The following SPOCK3 variants were observed in gnomAD, a reference collection of about 807,000 sequenced individuals.
SPOCK3 encodes the protein SPARC (osteonectin), cwcv and kazal like domains proteoglycan 3, also known as testican-3.
A neutral mutation model predicts 56.6 loss-of-function variants in SPOCK3; 30 were observed. That is an observed-to-expected ratio of 0.53 (90% confidence interval 0.40 to 0.72). SPOCK3 has a LOEUF of 0.72. Among genes scored for constraint, SPOCK3 ranks in the 30% least tolerant of loss-of-function variants. The probability of loss-of-function intolerance (pLI) is 0.00; values close to 1 mark genes in which losing one functional copy is unlikely to be tolerated. For synonymous variants in SPOCK3, 196 were observed against 183.3 expected, an observed-to-expected ratio of 1.07 and a Z score of -0.56; for missense variants, 527 against 530.0, an observed-to-expected ratio of 0.99 and a Z score of 0.06.
At chr4:166,848,908 TG>T (rs1311723209) in intron 6 of SPOCK3, among the ~76,000 whole-genome samples, 20 of 152,318 alleles carry the variant, frequency 1.3e-4, no homozygotes, top group African/African-American at 3.8e-4. Flanking sequence ...TTCTAACAGG[TG>T]ATGTAAACTA....
intron 7 of SPOCK3, among the ~76,000 whole-genome samples, chr4:166,775,849 G>A (rs2126593170): frequency 6.6e-6 from 1 of 152,170 alleles, no homozygotes; most frequent in East Asian, 1.9e-4. Context: ...GCCAAACACT[G>A]TAAAGAGTGG....
At chr4:166,807,547 CATTATTTTATTCA>C (rs1444982580) in intron 6 of SPOCK3, among the ~76,000 whole-genome samples, 1 of 152,126 alleles carries the variant, frequency 6.6e-6, no homozygotes, top group South Asian at 2.1e-4. Flanking sequence ...TGACCTGTCT[CATTATTTTATTCA>C]ATGATGTGAA....
chr4:167,042,903 C>T (rs1468487513), intron 3 of SPOCK3, among the ~76,000 whole-genome samples: 3 of 152,086 alleles, frequency 2.0e-5, no homozygotes, highest in Admixed American at 6.6e-5. Flanking sequence ...CTGATCATTG[C>T]TATTCACTAA....
At chr4:166,829,804 CAGG>C (rs754286344) in intron 6 of SPOCK3, among the ~76,000 whole-genome samples, 28 of 152,066 alleles carry the variant, frequency 1.8e-4, no homozygotes, top group Non-Finnish European at 3.4e-4. Context: ...TGTTTTACAC[CAGG>C]AGTTGTCTAA....
intron 2 of SPOCK3, among the ~76,000 whole-genome samples, chr4:167,115,549 A>T (rs1761260850): frequency 6.6e-6 from 1 of 152,100 alleles, no homozygotes; most frequent in Non-Finnish European, 1.5e-5. Context: ...TATTTTTAAA[A>T]GTAGTGAAAT....
At chr4:167,093,677 T>C (rs1758905306) in intron 2 of SPOCK3, among the ~76,000 whole-genome samples, 1 of 152,232 alleles carries the variant, frequency 6.6e-6, no homozygotes, top group Admixed American at 6.5e-5. Flanking sequence ...CCACATTTTG[T>C]TTTTCCAGTC....
rs554806211 is a variant in SPOCK3, at chr4:167,151,370, C to T, written c.189+82615G>A. On this transcript the variant is annotated intron_variant, in intron 2 of 10. Coordinates refer to ENST00000357545, the MANE Select transcript of SPOCK3 (RefSeq NM_001040159.2). ...ACTTGGTGCAAGCCTGCCAACAACC[C>T]CAAAGGCTGCTCAGGCTAACTTTTT... Among the ~76,000 whole-genome samples the T allele has an allele frequency of 8.6e-5, 13 of 151,138 alleles. No individual in the cohort carries two copies. The South Asian group carries it at 1.9e-3, about 22-fold the overall frequency.
In SPOCK3 at chr4:166,737,490, C is replaced by G; in HGVS notation, c.1109G>C (p.Arg370Thr). Residue 370 changes from arginine to threonine, a missense_variant, in exon 10 of 11, where the codon AGA (arginine) becomes ACA (threonine). Coordinates refer to ENST00000357545, the MANE Select transcript of SPOCK3 (RefSeq NM_001040159.2). ...DRYGNEVMGS[R>T]INGVADCAID... is the part of the protein sequence containing the mutation. ...ACCACAATCTGCAACACCATTTATT[C>G]TGGATCCCATGACTTCATTTCCATA... The G allele has an allele frequency of 6.2e-7, 1 of 1,613,174 alleles. No individual in the cohort carries two copies. Among genetic ancestry groups the G allele is most frequent in the Non-Finnish European group, 8.5e-7 (1 of 1,179,522 alleles).
At chr4:167,224,920 C>T (rs1293381891) in intron 2 of SPOCK3, among the ~76,000 whole-genome samples, 2 of 152,118 alleles carry the variant, frequency 1.3e-5, no homozygotes, top group Non-Finnish European at 2.9e-5. Flanking sequence ...CCACCTTGGC[C>T]TCCCAAAGTG....
chr4:166,752,503 G>C (rs950597176), intron 8 of SPOCK3, among the ~76,000 whole-genome samples: 1 of 151,160 alleles, frequency 6.6e-6, no homozygotes, highest in African/African-American at 2.4e-5. Context: ...CTATTTTTGA[G>C]AGCGAGAGCT....
intron 5 of SPOCK3, among the ~76,000 whole-genome samples, chr4:166,899,047 G>A (rs1413111140): frequency 6.6e-6 from 1 of 151,914 alleles, no homozygotes; most frequent in East Asian, 1.9e-4. Context: ...TCTGCCCTCT[G>A]ACATCAGCAC....
intron 5 of SPOCK3, among the ~76,000 whole-genome samples, chr4:166,905,289 T>C (rs1326426251): frequency 6.6e-6 from 1 of 151,960 alleles, no homozygotes; most frequent in Non-Finnish European, 1.5e-5. Flanking sequence ...TAGTTTAGGA[T>C]TTTTTAGATA....
chr4:166,967,481 G>A (rs1744867138), intron 4 of SPOCK3, among the ~76,000 whole-genome samples: 1 of 152,130 alleles, frequency 6.6e-6, no homozygotes, highest in Non-Finnish European at 1.5e-5. Flanking sequence ...ATGATAGTGA[G>A]TTATCATAAG....
chr4:166,866,624 T>C (rs1731872215), intron 6 of SPOCK3, among the ~76,000 whole-genome samples: 1 of 151,988 alleles, frequency 6.6e-6, no homozygotes, highest in South Asian at 2.1e-4. Flanking sequence ...GGGCAAAGGA[T>C]ATGAACAGAC....
chr4:166,811,729 T>A (rs531549850), intron 6 of SPOCK3, among the ~76,000 whole-genome samples: 1 of 152,044 alleles, frequency 6.6e-6, no homozygotes, highest in South Asian at 2.1e-4. Context: ...GAATTGCTAT[T>A]ATTTGCAATA....
intron 2 of SPOCK3, among the ~76,000 whole-genome samples, chr4:167,219,720 C>T (rs543895243): frequency 2.0e-5 from 3 of 151,036 alleles, no homozygotes; most frequent in African/African-American, 7.3e-5. Context: ...ATTTCACATA[C>T]TTAGTATAAA....
Position 167,193,316 on chromosome 4 carries a change from T to G in SPOCK3, c.189+40669A>C, listed in dbSNP as rs578176972. Among the ~76,000 whole-genome samples the G allele has an allele frequency of 5.1e-4, 75 of 145,898 alleles. 16 individuals are homozygous for G. Among genetic ancestry groups the G allele is most frequent in the African/African-American group, 1.9e-3 (73 of 38,248 alleles). ...CGAGGTTTGTGCTTTGTTAGTACCA[T>G]GAGGTTTACATAAAATACCTTTGTT... On this transcript the variant is annotated intron_variant, in intron 2 of 10. Transcript: ENST00000357545.
At chr4:166,840,441 C>G (rs2126825745) in intron 6 of SPOCK3, among the ~76,000 whole-genome samples, 1 of 152,320 alleles carries the variant, frequency 6.6e-6, no homozygotes, top group African/African-American at 2.4e-5. Context: ...TTTACCTGTC[C>G]TTGCCCTTTG....
At chr4:167,199,322 G>T (rs1262621906) in intron 2 of SPOCK3, among the ~76,000 whole-genome samples, 1 of 151,580 alleles carries the variant, frequency 6.6e-6, no homozygotes, top group Admixed American at 6.6e-5. Context: ...CCAGCTGTGA[G>T]GTGTGTTAGC....
Sources: gnomAD v4.1 joint callset for allele counts (sites outside exome capture counted in the v4.1 genomes callset) on GRCh38, gnomAD v4.1.1 for gene constraint, MANE v1.5 for transcripts, NCBI Gene and HGNC (gene_info 2026-07-23, HGNC 2026-07-21) for gene names.